The following ILDR1 variants were observed in gnomAD, a reference collection of about 807,000 sequenced individuals.
The protein encoded by ILDR1 is immunoglobulin like domain containing receptor 1, also known as immunoglobulin-like domain-containing receptor 1.
A neutral mutation model predicts 62.4 loss-of-function variants in ILDR1; 56 were observed. That is an observed-to-expected ratio of 0.90 (90% CI 0.72 to 1.12). ILDR1 has a LOEUF of 1.12. Among genes scored for constraint, ILDR1 ranks in the 50% most tolerant of loss-of-function variants. ILDR1 has a pLI of 0.00. For missense variants in ILDR1, 736 were observed against 710.6 expected, an observed-to-expected ratio of 1.04 and a Z score of -0.41; for synonymous variants, 284 against 277.8, an observed-to-expected ratio of 1.02 and a Z score of -0.22.
chr3:122,039,626 A>G, the ILDR1 span, among the ~76,000 whole-genome samples: 1 of 152,210 alleles, frequency 6.6e-6, no homozygotes, highest in East Asian at 1.9e-4. Flanking sequence ...CACTGCAAGA[A>G]ATTTTAAAAG....
intron 1 of ILDR1, among the ~76,000 whole-genome samples, chr3:122,009,611 C>T (rs773598615): frequency 4.6e-5 from 7 of 152,090 alleles, no homozygotes; most frequent in Non-Finnish European, 1.0e-4. Context: ...CCCCTTATTA[C>T]GAGGGCCAAG....
chr3:122,021,912 G>A, intron 1 of ILDR1, 108 bp downstream of exon 1: 1 of 1,059,162 alleles, frequency 9.4e-7, no homozygotes, highest in Non-Finnish European at 1.4e-6. Flanking sequence ...CCACCAGAGC[G>A]CGGCCCAGGC....
At position 121,993,150 on chromosome 3, in the gene ILDR1, C is replaced by CG. The variant is rs1559869668; in HGVS notation, c.1598dup (p.Glu534GlyfsTer7). ...CCTCAGCAGGATGCCCCAGGCTCAC[C>CG]GAGCGCCTCTCCACACTCCCTTTTT... On this transcript the variant is annotated frameshift_variant and splice_region_variant, in exon 7 of 8. Coordinates refer to ENST00000344209, the MANE Select transcript of ILDR1 (RefSeq NM_001199799.2). LOFTEE classifies it high-confidence loss of function. The CG allele has an allele frequency of 1.3e-6, 2 of 1,581,598 alleles. No individual in the cohort carries two copies. Among genetic ancestry groups the CG allele is most frequent in the South Asian group, 2.3e-5 (2 of 86,786 alleles).
At chr3:122,030,812 T>C in the ILDR1 span, among the ~76,000 whole-genome samples, 1 of 152,176 alleles carries the variant, frequency 6.6e-6, no homozygotes, top group African/African-American at 2.4e-5. Flanking sequence ...TCAATTAGTA[T>C]TTGGGGAGGC....
At chr3:122,025,527 T>G (rs965796746), upstream of ILDR1, among the ~76,000 whole-genome samples, 1 of 152,228 alleles carries the variant, frequency 6.6e-6, no homozygotes, top group Non-Finnish European at 1.5e-5. Flanking sequence ...ACAATGCTTC[T>G]GTGTGTTGAC....
At chr3:122,026,347 T>C (rs2071921162), upstream of ILDR1, among the ~76,000 whole-genome samples, 1 of 152,170 alleles carries the variant, frequency 6.6e-6, no homozygotes, top group African/African-American at 2.4e-5. Flanking sequence ...AGTCAATAAC[T>C]GGTGTTGGAA....
intron 6 of ILDR1, 51 bp from the exon 7 acceptor site, chr3:121,994,021 C>A (rs772241851): frequency 1.9e-6 from 3 of 1,566,328 alleles, no homozygotes; most frequent in South Asian, 2.3e-5. Flanking sequence ...AAAACATACA[C>A]CTCAGAATCA....
the ILDR1 span, among the ~76,000 whole-genome samples, chr3:122,047,617 T>C: frequency 6.6e-6 from 1 of 152,036 alleles, no homozygotes; most frequent in Non-Finnish European, 1.5e-5. Context: ...AATCTCGTGG[T>C]TCGCCGTTTT....
the ILDR1 span, among the ~76,000 whole-genome samples, chr3:122,037,729 A>G: frequency 1.3e-5 from 2 of 152,158 alleles, no homozygotes; most frequent in East Asian, 3.8e-4. Flanking sequence ...TGTGAGAAGA[A>G]CATGAGATTT....
intron 7 of ILDR1, among the ~76,000 whole-genome samples, chr3:121,990,769 C>G (rs1391842589): frequency 2.6e-5 from 4 of 152,160 alleles, no homozygotes; most frequent in Admixed American, 2.0e-4. Context: ...TCTAAGGAGG[C>G]AGCATGAATT....
chr3:122,029,533 T>TATATATATATA, the ILDR1 span, among the ~76,000 whole-genome samples: 4 of 148,704 alleles, frequency 2.7e-5, no homozygotes, highest in African/African-American at 9.9e-5. Context: ...TATATATATA[T>TATATATATATA]TTAGGGGAAT....
At chr3:122,007,855 C>A (rs2071639162) in intron 1 of ILDR1, among the ~76,000 whole-genome samples, 1 of 152,194 alleles carries the variant, frequency 6.6e-6, no homozygotes, top group Non-Finnish European at 1.5e-5. Flanking sequence ...GTAACCCTAC[C>A]TTCTCCAGCA....
intron 1 of ILDR1, among the ~76,000 whole-genome samples, chr3:122,014,882 G>A (rs142244912): frequency 2.0e-5 from 3 of 152,232 alleles, no homozygotes; most frequent in Non-Finnish European, 4.4e-5. Flanking sequence ...AGATGCTTGG[G>A]GTTTCCCAAA....
the ILDR1 span, among the ~76,000 whole-genome samples, chr3:122,041,724 T>C: frequency 6.6e-6 from 1 of 152,126 alleles, no homozygotes; most frequent in African/African-American, 2.4e-5. Flanking sequence ...TGTTAGTGTA[T>C]AGAAAAGCAA....
chr3:122,060,644 TA>T, the ILDR1 span, among the ~76,000 whole-genome samples: 7 of 150,562 alleles, frequency 4.6e-5, no homozygotes, highest in African/African-American at 7.3e-5. Context: ...TAATTTAAAT[TA>T]AAAAAAAAGG....
At chr3:122,054,094 T>C in the ILDR1 span, among the ~76,000 whole-genome samples, 2 of 152,348 alleles carry the variant, frequency 1.3e-5, no homozygotes, top group African/African-American at 4.8e-5. Flanking sequence ...TATTTGAAGA[T>C]TAATAATTGT....
chr3:122,054,506 GT>G, the ILDR1 span, among the ~76,000 whole-genome samples: 1 of 151,994 alleles, frequency 6.6e-6, no homozygotes, highest in African/African-American at 2.4e-5. Flanking sequence ...TGCAGATATT[GT>G]TCTGTTGTTT....
chr3:122,042,823 T>G, the ILDR1 span, among the ~76,000 whole-genome samples: 1 of 152,230 alleles, frequency 6.6e-6, no homozygotes, highest in Admixed American at 6.5e-5. Context: ...TAGCCCTTTG[T>G]CAGATGAGTA....
the ILDR1 span, among the ~76,000 whole-genome samples, chr3:122,050,345 T>A: frequency 6.6e-6 from 1 of 152,174 alleles, no homozygotes; most frequent in Non-Finnish European, 1.5e-5. Context: ...TCTTTTTATC[T>A]CTTGCTATCT....
Sources: gnomAD v4.1 joint callset for allele counts (sites outside exome capture counted in the v4.1 genomes callset) on GRCh38, gnomAD v4.1.1 for gene constraint, MANE v1.5 for transcripts, NCBI Gene and HGNC (gene_info 2026-07-23, HGNC 2026-07-21) for gene names.